The following SHISA9 variants were observed in gnomAD, a reference collection of about 807,000 sequenced individuals.
SHISA9 encodes the protein shisa family member 9, also known as protein shisa-9.
SHISA9 carries 13 observed loss-of-function variants against 38.0 expected under a neutral mutation model. The observed-to-expected ratio is 0.34, with a 90% confidence interval of 0.22 to 0.54. The LOEUF is 0.54. SHISA9 is among the 20% of genes least tolerant of loss of function. SHISA9 has a pLI of 0.91. For missense variants in SHISA9, 538 were observed against 575.8 expected (o/e 0.93, Z 0.67); for synonymous variants, 275 against 242.0 (o/e 1.14, Z -1.27).
intron 2 of SHISA9, among the ~76,000 whole-genome samples, chr16:12,997,470 G>A (rs1323641058): frequency 1.3e-5 from 2 of 148,938 alleles, no homozygotes; most frequent in Non-Finnish European, 3.0e-5. Context: ...GCAATGGTGC[G>A]ATCTCAGGTC....
In SHISA9 at chr16:13,235,544, C is replaced by A; in HGVS notation, c.*135C>A. 8.8e-7 allele frequency: 1 copy of A among 1,135,036 alleles called. No homozygotes were observed. The highest frequency in any genetic ancestry group is 1.2e-6 in the Non-Finnish European group (1 of 826,018). The allele number at this position is 1,135,036 out of a possible 1,614,324, so 70.3% of individuals were successfully genotyped here. On this transcript the variant is annotated 3_prime_UTR_variant, in exon 5 of 5. Transcript: ENST00000558583. The stretch of plus-strand genomic sequence containing the variant: ...CTCTCAACAAGAACCAACTCTAAAC[C>A]TACTGGGGACACAGAGTCGCGCTTT...
chr16:13,325,229 T>G, the SHISA9 span, among the ~76,000 whole-genome samples: 1 of 152,172 alleles, frequency 6.6e-6, no homozygotes, highest in African/African-American at 2.4e-5. Context: ...ATAAATATAT[T>G]TTGAGGTAAA....
chr16:13,404,432 G>A, the SHISA9 span, among the ~76,000 whole-genome samples: 5 of 152,128 alleles, frequency 3.3e-5, no homozygotes, highest in Non-Finnish European at 7.4e-5. Context: ...TGAGTGAAGA[G>A]GTAAAAGATA....
intron 2 of SHISA9, among the ~76,000 whole-genome samples, chr16:13,146,983 A>T (rs925442174): frequency 2.6e-4 from 40 of 152,328 alleles, no homozygotes; most frequent in African/African-American, 8.9e-4. Flanking sequence ...ACTGGAATCT[A>T]TCAATTGCTC....
At chr16:12,969,198 G>A (rs1403255399) in intron 2 of SHISA9, among the ~76,000 whole-genome samples, 4 of 151,412 alleles carry the variant, frequency 2.6e-5, no homozygotes, top group African/African-American at 9.7e-5. Flanking sequence ...AGGTGCACAC[G>A]ATTCAGCCCA....
the SHISA9 span, among the ~76,000 whole-genome samples, chr16:13,482,411 G>A: frequency 6.6e-6 from 1 of 152,230 alleles, no homozygotes; most frequent in Non-Finnish European, 1.5e-5. Flanking sequence ...TGCCATGTGG[G>A]TTTCCTTAAA....
At chr16:13,149,057 AT>A (rs1402449529) in intron 2 of SHISA9, among the ~76,000 whole-genome samples, 1 of 152,130 alleles carries the variant, frequency 6.6e-6, no homozygotes, top group African/African-American at 2.4e-5. Context: ...GCAAAGGGAT[AT>A]TTACTGCTGT....
intron 2 of SHISA9, among the ~76,000 whole-genome samples, chr16:12,925,538 C>T (rs1420318966): frequency 6.6e-6 from 1 of 152,038 alleles, no homozygotes; most frequent in Non-Finnish European, 1.5e-5. Context: ...GTCTCCTGGG[C>T]TCTTTTCAAA....
the SHISA9 span, among the ~76,000 whole-genome samples, chr16:13,394,560 C>G: frequency 3.3e-5 from 5 of 152,182 alleles, no homozygotes; most frequent in Non-Finnish European, 7.3e-5. Flanking sequence ...CTGCCCTACT[C>G]AGGATCCTTT....
intron 4 of SHISA9, among the ~76,000 whole-genome samples, chr16:13,230,235 C>A (rs2051318595): frequency 6.6e-6 from 1 of 152,162 alleles, no homozygotes; most frequent in African/African-American, 2.4e-5. Flanking sequence ...TTTCAAGTGT[C>A]CAGTACATGG....
chr16:13,248,693 G>A, the SHISA9 span, among the ~76,000 whole-genome samples: 12 of 152,188 alleles, frequency 7.9e-5, no homozygotes, highest in South Asian at 2.1e-4. Context: ...TTTACTTATC[G>A]ACTCCCACCC....
intron 2 of SHISA9, among the ~76,000 whole-genome samples, chr16:13,149,887 T>A (rs1201430118): frequency 2.1e-5 from 3 of 144,418 alleles, no homozygotes; most frequent in African/African-American, 7.8e-5. Context: ...ATCATGCCAC[T>A]GCACTCCAGC....
At chr16:13,455,566 G>A in the SHISA9 span, among the ~76,000 whole-genome samples, 24 of 152,290 alleles carry the variant, frequency 1.6e-4, no homozygotes, top group South Asian at 5.0e-3. Flanking sequence ...CCTGGCCCCG[G>A]CTGAATCCTA....
rs575818650 is a variant in SHISA9, at chr16:13,072,022, A to G, written c.692-131372A>G. 4.4e-4 allele frequency among the ~76,000 whole-genome samples: 67 copies of G among 152,260 alleles called. No homozygotes were observed. In the South Asian group the frequency reaches 5.4e-3, roughly 12 times the overall value. ...CACTGTTGCTCACTGTTGACATTGC[A>G]GGGATGTGAATGAGAGAACTCCGCT... On this transcript the variant is annotated intron_variant, in intron 2 of 4. Coordinates refer to ENST00000558583, the MANE Select transcript of SHISA9 (RefSeq NM_001145204.3).
chr16:13,322,042 GTA>G, the SHISA9 span, among the ~76,000 whole-genome samples: 10 of 152,196 alleles, frequency 6.6e-5, no homozygotes, highest in African/African-American at 2.2e-4. Context: ...TCTACATATT[GTA>G]TATGTCTTAC....
At chr16:13,031,192 C>T (rs1044680198) in intron 2 of SHISA9, among the ~76,000 whole-genome samples, 6 of 152,172 alleles carry the variant, frequency 3.9e-5, no homozygotes, top group Admixed American at 1.3e-4. Context: ...ATTTTAACCC[C>T]TCTTCTGCCT....
At chr16:13,194,734 A>G (rs2050920894) in intron 2 of SHISA9, among the ~76,000 whole-genome samples, 1 of 152,204 alleles carries the variant, frequency 6.6e-6, no homozygotes, top group Admixed American at 6.5e-5. Flanking sequence ...AAGAAGAGAA[A>G]AACACATTAA....
intron 2 of SHISA9, among the ~76,000 whole-genome samples, chr16:12,935,701 A>G (rs1007972645): frequency 2.6e-5 from 4 of 152,048 alleles, no homozygotes; most frequent in African/African-American, 9.7e-5. Context: ...TACAAAAAGT[A>G]GCTGGGCATG....
the SHISA9 span, among the ~76,000 whole-genome samples, chr16:13,522,322 T>A: frequency 6.6e-6 from 1 of 152,202 alleles, no homozygotes; most frequent in African/African-American, 2.4e-5. Flanking sequence ...TTTGGCATAT[T>A]TCTGAGTTAA....
Sources: gnomAD v4.1 joint callset for allele counts (sites outside exome capture counted in the v4.1 genomes callset) on GRCh38, gnomAD v4.1.1 for gene constraint, MANE v1.5 for transcripts, NCBI Gene and HGNC (gene_info 2026-07-23, HGNC 2026-07-21) for gene names.